UBR3: variants seen among roughly 807,000 people sequenced by gnomAD.
The protein encoded by UBR3 is ubiquitin protein ligase E3 component n-recognin 3, also known as E3 ubiquitin-protein ligase UBR3.
A neutral mutation model predicts 243.2 loss-of-function variants in UBR3; 85 were observed. The observed-to-expected ratio is 0.35, with a 90% CI of 0.29 to 0.42. UBR3 has a LOEUF of 0.42. Ranked by LOEUF, UBR3 falls within the 10% of genes least tolerant of loss-of-function variation. The probability of loss-of-function intolerance (pLI) is 1.00; values close to 1 mark genes in which losing one functional copy is unlikely to be tolerated. For missense variants in UBR3, 1,686 were observed against 2,300.8 expected (o/e 0.73, Z 5.47); for synonymous variants, 748 against 799.8 (o/e 0.94, Z 1.09).
rs1236022101 is a variant in UBR3, at chr2:170,061,440, C to T, written c.5016C>T (p.Cys1672=). 4 of 1,611,448 alleles carry T rather than the reference C, an allele frequency of 2.5e-6. No homozygotes were observed. Among genetic ancestry groups the T allele is most frequent in the Non-Finnish European group, 2.5e-6 (3 of 1,179,506 alleles). The change falls in exon 35 of 39, where the codon TGC becomes TGT. Residue 1672 remains cysteine, a synonymous_variant. Transcript: ENST00000272793. ...TTTTTGGGGAAGATTTACCTAGCTGCCAGGTAGATAATTTGGGATATGTAA... is the reference window on the plus strand; with the variant it reads ...TTTTTGGGGAAGATTTACCTAGCTGTCAGGTAGATAATTTGGGATATGTAA... ...HHLFGEDLPS[C]QEEEEFSVLA...
chr2:169,958,010 G>C (rs2105367236), intron 23 of UBR3, among the ~76,000 whole-genome samples: 1 of 152,216 alleles, frequency 6.6e-6, no homozygotes, highest in South Asian at 2.1e-4. Context: ...CTATCTTTTA[G>C]ACTTTGTTTA....
intron 24 of UBR3, among the ~76,000 whole-genome samples, chr2:169,959,248 A>C (rs2087453855): frequency 6.6e-6 from 1 of 152,158 alleles, no homozygotes; most frequent in Non-Finnish European, 1.5e-5. Flanking sequence ...CTTCCTGAAG[A>C]AATGTATAGC....
chr2:170,038,314 T>C (rs1019263022), intron 31 of UBR3, among the ~76,000 whole-genome samples: 3 of 152,224 alleles, frequency 2.0e-5, no homozygotes, highest in Admixed American at 6.6e-5. Flanking sequence ...TTTAAACACC[T>C]GTTAAATTTA....
intron 32 of UBR3, among the ~76,000 whole-genome samples, chr2:170,053,361 G>A (rs539906184): frequency 1.3e-5 from 2 of 152,348 alleles, no homozygotes; most frequent in South Asian, 4.1e-4. Flanking sequence ...TCTCTAATGA[G>A]ATACCCTGGT....
chr2:170,077,377 A>G (rs73019602), intron 36 of UBR3: 51,844 of 1,057,138 alleles, frequency 0.049, 1,392 homozygotes, highest in Non-Finnish European at 0.056. Flanking sequence ...ATCCAAAGTT[A>G]TATACATTGG....
chr2:169,938,550 T>C (rs1376479880), intron 19 of UBR3, among the ~76,000 whole-genome samples: 1 of 152,172 alleles, frequency 6.6e-6, no homozygotes, highest in Non-Finnish European at 1.5e-5. Context: ...GCATGAGCCA[T>C]TGTGCCCGGT....
At position 169,958,474 on chromosome 2, in the gene UBR3, T is replaced by TG; in HGVS notation, c.3583dup (p.Ala1195GlyfsTer18). Reference sequence around the variant, plus strand: ...CTAGAGAGAGGCAGCAGAAATTGCTTGCGGAGTTTGCTTCACGACAGAAAA... The same window carrying TG: ...CTAGAGAGAGGCAGCAGAAATTGCTTGGCGGAGTTTGCTTCACGACAGAAAA... On this transcript the variant is annotated frameshift_variant, in exon 24 of 39. Coordinates refer to ENST00000272793, the MANE Select transcript of UBR3 (RefSeq NM_172070.4). LOFTEE classifies it high-confidence loss of function. The TG allele has an allele frequency of 6.2e-7, 1 of 1,613,230 alleles. No individual in the cohort carries two copies. Among genetic ancestry groups the TG allele is most frequent in the Non-Finnish European group, 8.5e-7 (1 of 1,179,398 alleles).
intron 26 of UBR3, among the ~76,000 whole-genome samples, chr2:169,998,412 G>T (rs924238379): frequency 2.6e-5 from 4 of 152,190 alleles, no homozygotes; most frequent in Non-Finnish European, 5.9e-5. Flanking sequence ...GTTAGTGATT[G>T]TGAGATTTTT....
chr2:169,879,499 T>G (rs914579446), intron 5 of UBR3, among the ~76,000 whole-genome samples: 1 of 152,158 alleles, frequency 6.6e-6, no homozygotes, highest in Non-Finnish European at 1.5e-5. Flanking sequence ...GAGAGGCAGT[T>G]TATTATGCTG....
chr2:169,839,666 A>AAC lies in UBR3; in HGVS notation c.545+11628_545+11629dup, dbSNP rs531324886. Reference sequence around the variant, plus strand: ...TGTACATCTATTATGCATCAAATAAAACACACACACACACATATAGTGCAA... The same window carrying AAC: ...TGTACATCTATTATGCATCAAATAAAACACACACACACACACATATAGTGCAA... On this transcript the variant is annotated intron_variant, in intron 1 of 38. Transcript: ENST00000272793. Among the ~76,000 whole-genome samples, 974 of 152,090 alleles carry AAC rather than the reference A, an allele frequency of 6.4e-3. 7 individuals are homozygous for AAC. Among genetic ancestry groups the AAC allele is most frequent in the African/African-American group, 0.021 (866 of 41,530 alleles).
At chr2:169,946,784 A>T (rs949761539) in intron 21 of UBR3, among the ~76,000 whole-genome samples, 1 of 152,146 alleles carries the variant, frequency 6.6e-6, no homozygotes, top group Non-Finnish European at 1.5e-5. Context: ...TAACCAGTAA[A>T]ACTGAAGTTA....
At chr2:169,958,580 G>C in intron 24 of UBR3, 54 bp downstream of exon 24, 1 of 1,482,858 alleles carries the variant, frequency 6.7e-7, no homozygotes, top group South Asian at 1.2e-5. Flanking sequence ...TTACTTTAGG[G>C]ATGATGTAGT....
intron 24 of UBR3, among the ~76,000 whole-genome samples, chr2:169,968,324 A>G (rs1233828445): frequency 1.3e-5 from 2 of 152,182 alleles, no homozygotes; most frequent in Non-Finnish European, 2.9e-5. Flanking sequence ...GTTTGTACGC[A>G]TTAACCAACC....
At chr2:169,946,073 A>C (rs73015796) in intron 20 of UBR3, among the ~76,000 whole-genome samples, 2 of 152,116 alleles carry the variant, frequency 1.3e-5, no homozygotes, top group African/African-American at 4.8e-5. Flanking sequence ...GCAAATTAGG[A>C]TATAAAAATA....
At chr2:169,845,514 TCGTC>T (rs1218814819) in intron 1 of UBR3, among the ~76,000 whole-genome samples, 3 of 143,858 alleles carry the variant, frequency 2.1e-5, no homozygotes, top group African/African-American at 8.3e-5. Flanking sequence ...GTCGTCGTCG[TCGTC>T]GTCGTCGTCG....
At chr2:169,838,649 T>C (rs2105282297) in intron 1 of UBR3, among the ~76,000 whole-genome samples, 1 of 152,306 alleles carries the variant, frequency 6.6e-6, no homozygotes, top group South Asian at 2.1e-4. Context: ...TTCAGACTGG[T>C]GCTCTGCCTC....
chr2:170,004,507 G>A (rs1166235788), intron 27 of UBR3, among the ~76,000 whole-genome samples: 1 of 152,108 alleles, frequency 6.6e-6, no homozygotes, highest in East Asian at 1.9e-4. Flanking sequence ...TGAAGGAGTT[G>A]CCATGAGTCT....
chr2:169,860,070 C>G (rs2083036684), intron 1 of UBR3, among the ~76,000 whole-genome samples: 1 of 152,126 alleles, frequency 6.6e-6, no homozygotes, highest in Non-Finnish European at 1.5e-5. Flanking sequence ...TCTTCTATTT[C>G]CATCATTATG....
intron 19 of UBR3, among the ~76,000 whole-genome samples, chr2:169,941,819 C>T (rs890750059): frequency 3.3e-5 from 5 of 152,188 alleles, no homozygotes; most frequent in African/African-American, 1.2e-4. Flanking sequence ...TCATAATTAT[C>T]TTCTTGGGGA....
Sources: allele counts gnomAD v4.1 joint callset (sites outside exome capture counted in the v4.1 genomes callset), GRCh38; gene constraint gnomAD v4.1.1; transcripts MANE v1.5; gene names NCBI Gene and HGNC (gene_info 2026-07-23, HGNC 2026-07-21).